Variants in PTPRM observed in about 807,000 individuals in gnomAD.
The protein encoded by PTPRM is receptor-type tyrosine-protein phosphatase mu.
A neutral mutation model predicts 186.7 loss-of-function variants in PTPRM; 47 were observed. The observed-to-expected ratio is 0.25, with a 90% CI of 0.20 to 0.32. The LOEUF is 0.32. Ranked by LOEUF, PTPRM falls within the 10% of genes least tolerant of loss-of-function variation. PTPRM has a pLI of 1.00. For synonymous variants in PTPRM, 668 were observed against 674.9 expected (o/e 0.99, Z 0.16); for missense variants, 1,494 against 1,865.0 (o/e 0.80, Z 3.66).
chr18:8,335,566 G>A (rs1009403179), intron 22 of PTPRM, among the ~76,000 whole-genome samples: 5 of 152,120 alleles, frequency 3.3e-5, no homozygotes, highest in African/African-American at 7.2e-5. Flanking sequence ...GACAAAATGA[G>A]GATTGGTGTA....
At chr18:8,289,571 T>TACAC (rs1568675267) in intron 19 of PTPRM, among the ~76,000 whole-genome samples, 1 of 123,652 alleles carries the variant, frequency 8.1e-6, no homozygotes, top group African/African-American at 3.7e-5. Flanking sequence ...CACATATATA[T>TACAC]ATATACATAT....
rs558049541 is a variant in PTPRM, at chr18:7,949,457, T to A, written c.838+102T>A. ...AAGCTCAAACTTACCCTTGTCTGTT[T>A]CTGAGCAGTGGTTTGATGACAGGCT... On this transcript the variant is annotated intron_variant, in intron 6 of 32. Transcript: ENST00000580170. 3.0e-5 allele frequency: 30 copies of A among 996,540 alleles called. No individual in the cohort carries two copies. The African/African-American group carries it at 4.7e-4, about 16-fold the overall frequency. 61.7% of individuals were successfully genotyped at this position (996,540 alleles called of 1,614,324 possible).
intron 7 of PTPRM, among the ~76,000 whole-genome samples, chr18:8,032,016 A>G (rs2086007755): frequency 6.6e-6 from 1 of 152,206 alleles, no homozygotes; most frequent in South Asian, 2.1e-4. Context: ...AAATTAGGGG[A>G]AAAATAATGT....
Position 8,085,604 on chromosome 18 carries a change from A to G in PTPRM, c.1552-67A>G, listed in dbSNP as rs145711146. Reference sequence around the variant, plus strand: ...GACAGTGCATACATCAGAAGGGTTTATTGGATAAAGATGCAATCTGAGTCC... The same window carrying G: ...GACAGTGCATACATCAGAAGGGTTTGTTGGATAAAGATGCAATCTGAGTCC... On this transcript the variant is annotated intron_variant, in intron 9 of 32. Transcript: ENST00000580170. The G allele has an allele frequency of 4.4e-3, 6,036 of 1,371,960 alleles. 23 individuals carry two copies. Among genetic ancestry groups the G allele is most frequent in the Non-Finnish European group, 5.0e-3 (4,817 of 964,000 alleles). The allele number at this position is 1,371,960 out of a possible 1,614,324, so 85.0% of individuals were successfully genotyped here.
At chr18:7,779,703 A>G (rs767257845) in intron 2 of PTPRM, among the ~76,000 whole-genome samples, 61 of 152,202 alleles carry the variant, frequency 4.0e-4, no homozygotes, top group Non-Finnish European at 6.3e-4. Flanking sequence ...TTTCCCCTCT[A>G]AAATTTCAGC....
At chr18:7,611,968 G>C (rs747888080) in intron 1 of PTPRM, among the ~76,000 whole-genome samples, 1 of 152,200 alleles carries the variant, frequency 6.6e-6, no homozygotes, top group Non-Finnish European at 1.5e-5. Context: ...GTTTGTGTAA[G>C]TGTACTTTGT....
intron 13 of PTPRM, among the ~76,000 whole-genome samples, chr18:8,133,147 T>G (rs895906137): frequency 2.6e-5 from 4 of 152,148 alleles, no homozygotes; most frequent in Non-Finnish European, 4.4e-5. Flanking sequence ...AATCCATTCA[T>G]GAGAACTCTG....
intron 1 of PTPRM, among the ~76,000 whole-genome samples, chr18:7,569,167 C>A (rs2036510927): frequency 6.6e-6 from 1 of 152,104 alleles, no homozygotes; most frequent in Non-Finnish European, 1.5e-5. Flanking sequence ...TCCTCCGGTG[C>A]GTGGAAACCT....
In PTPRM at chr18:7,774,225, A is replaced by G. The variant is rs2042473939; in HGVS notation, c.150A>G (p.Gln50=). The G allele has an allele frequency of 6.2e-7, 1 of 1,613,982 alleles. No homozygotes were observed. Among genetic ancestry groups the G allele is most frequent in the Non-Finnish European group, 8.5e-7 (1 of 1,179,970 alleles). The change falls in exon 2 of 33, where the codon CAA becomes CAG. Residue 50 remains glutamine, a synonymous_variant. Coordinates refer to ENST00000580170, the MANE Select transcript of PTPRM (RefSeq NM_001105244.2). ...AAGGTGATGACTTCAATTGGGAGCAAGTGAACACCTTGACTAAACCGACTT... is the reference window on the plus strand; with the variant it reads ...AAGGTGATGACTTCAATTGGGAGCAGGTGAACACCTTGACTAAACCGACTT... ...QSEGDDFNWE[Q]VNTLTKPTSD...
chr18:8,167,340 T>G (rs1465394869), intron 14 of PTPRM, among the ~76,000 whole-genome samples: 1 of 152,210 alleles, frequency 6.6e-6, no homozygotes, highest in African/African-American at 2.4e-5. Context: ...AAGCCTGTTG[T>G]TGCTTTGTGT....
intron 21 of PTPRM, among the ~76,000 whole-genome samples, chr18:8,316,981 G>GT (rs985623671): frequency 2.6e-5 from 4 of 152,158 alleles, no homozygotes; most frequent in Non-Finnish European, 5.9e-5. Flanking sequence ...CATTGGCATG[G>GT]TGTATGGGGG....
chr18:8,159,551 C>T (rs1451590293), intron 14 of PTPRM, among the ~76,000 whole-genome samples: 1 of 152,176 alleles, frequency 6.6e-6, no homozygotes, highest in Non-Finnish European at 1.5e-5. Flanking sequence ...TATTATGTTT[C>T]TGTGATGACT....
chr18:8,336,644 AAAGAAGGAGAAG>A, intron 22 of PTPRM, among the ~76,000 whole-genome samples: 1 of 142,448 alleles, frequency 7.0e-6, no homozygotes, highest in Non-Finnish European at 1.5e-5. Flanking sequence ...GGAGGAGGAA[AAAGAAGGAGAAG>A]AAGGAGGAGG....
At chr18:7,585,539 T>C (rs930421587) in intron 1 of PTPRM, among the ~76,000 whole-genome samples, 4 of 152,196 alleles carry the variant, frequency 2.6e-5, no homozygotes, top group Non-Finnish European at 5.9e-5. Flanking sequence ...GTGTTGAGTA[T>C]TGGGGAAGAT....
chr18:8,297,067 G>A (rs72916848), intron 20 of PTPRM, among the ~76,000 whole-genome samples: 4,634 of 152,192 alleles, frequency 0.03, 105 homozygotes, highest in South Asian at 0.064. Flanking sequence ...TTAATGTTGC[G>A]TAGCAATGCT....
At chr18:8,027,340 A>T (rs1260092410) in intron 7 of PTPRM, among the ~76,000 whole-genome samples, 5 of 152,194 alleles carry the variant, frequency 3.3e-5, no homozygotes, top group African/African-American at 1.2e-4. Flanking sequence ...ACTTAGTGAG[A>T]TGGCCTGATA....
chr18:7,709,061 T>C (rs1208821108), intron 1 of PTPRM, among the ~76,000 whole-genome samples: 1 of 152,174 alleles, frequency 6.6e-6, no homozygotes, highest in Non-Finnish European at 1.5e-5. Flanking sequence ...CTTCTACTTT[T>C]ATATTTCACA....
At chr18:7,814,015 T>C (rs2044671444) in intron 2 of PTPRM, 1 of 152,264 alleles carries the variant, frequency 6.6e-6, no homozygotes, top group Admixed American at 6.5e-5. Context: ...GCATTCCTTA[T>C]ACTATTGGTT....
At chr18:8,077,335 C>T (rs2089880272) in intron 9 of PTPRM, among the ~76,000 whole-genome samples, 1 of 152,028 alleles carries the variant, frequency 6.6e-6, no homozygotes, top group South Asian at 2.1e-4. Context: ...CCTTTCAGAA[C>T]TACTGACAAA....
Sources: allele counts gnomAD v4.1 joint callset (sites outside exome capture counted in the v4.1 genomes callset), GRCh38; gene constraint gnomAD v4.1.1; transcripts MANE v1.5; gene names NCBI Gene and HGNC (gene_info 2026-07-23, HGNC 2026-07-21).